Variants in TEX52 observed in about 807,000 individuals in gnomAD.
TEX52 encodes the protein testis expressed 52.
Under a neutral mutation model 17.6 loss-of-function variants are expected in TEX52, and 22 were observed. The ratio of observed to expected loss-of-function variants is 1.25; its 90% CI spans 0.89 to 1.78. The LOEUF is 1.78. Among genes scored for constraint, TEX52 ranks in the 40% most tolerant of loss-of-function variants. The pLI is 0.00. For missense variants in TEX52, 396 were observed against 372.3 expected (o/e 1.06, Z -0.52); for synonymous variants, 168 against 147.4 (o/e 1.14, Z -1.01).
At position 2,849,430 on chromosome 12, in the gene TEX52, C is replaced by A; in HGVS notation, c.719G>T (p.Cys240Phe). The change falls in exon 3 of 3, where the codon TGC becomes TTC. Residue 240 changes from cysteine to phenylalanine, a missense_variant. Transcript: ENST00000637658. The stretch of plus-strand genomic sequence containing the variant: ...CTGGTAGTGAGGCAGAGGGTTTGGG[C>A]AGGGCCAGCTCCTGGCGAAATTATT... ...FPNNFARSWP[C>F]PNPLPHYQEK... 9.1e-6 allele frequency: 14 copies of A among 1,536,148 alleles called. No homozygotes were observed. Among genetic ancestry groups the A allele is most frequent in the Non-Finnish European group, 1.2e-5 (14 of 1,146,906 alleles).
chr12:2,852,232 A>G (rs1377671551), intron 2 of TEX52, among the ~76,000 whole-genome samples: 1 of 152,182 alleles, frequency 6.6e-6, no homozygotes, highest in Non-Finnish European at 1.5e-5. Context: ...TACAGCAGTA[A>G]ACATGTGAGA....
At chr12:2,854,492 C>T (rs761177676) in intron 2 of TEX52, among the ~76,000 whole-genome samples, 3 of 152,228 alleles carry the variant, frequency 2.0e-5, no homozygotes, top group Non-Finnish European at 1.5e-5. Context: ...TCCAGGCCTT[C>T]GGGCTACAGC....
intron 2 of TEX52, among the ~76,000 whole-genome samples, chr12:2,850,887 G>A (rs917301704): frequency 1.3e-5 from 2 of 151,312 alleles, no homozygotes; most frequent in Non-Finnish European, 2.9e-5. Flanking sequence ...GGCCAGGCTG[G>A]TCTCGAACTC....
At chr12:2,849,617 G>T (rs1603488269) in intron 2 of TEX52, 92 bp from the exon 3 acceptor site, 1 of 1,403,772 alleles carries the variant, frequency 7.1e-7, no homozygotes, top group East Asian at 2.5e-5. Flanking sequence ...TGATGCCGCT[G>T]TCCACAAGCT....
intron 2 of TEX52, among the ~76,000 whole-genome samples, chr12:2,853,776 T>C (rs1189918800): frequency 1.3e-5 from 2 of 152,090 alleles, no homozygotes; most frequent in Non-Finnish European, 2.9e-5. Context: ...GAAGCATCCG[T>C]GAGTTCCCAG....
rs956183608 is a variant in TEX52 at position 2,857,023 on chromosome 12, C to A, written c.4G>T (p.Ala2Ser). The A allele has an allele frequency of 2.8e-6, 2 of 702,946 alleles. No individual in the cohort carries two copies. Among genetic ancestry groups the A allele is most frequent in the African/African-American group, 1.7e-5 (1 of 57,362 alleles). The allele number at this position is 702,946 out of a possible 1,614,324, so 43.5% of individuals were successfully genotyped here. A position where few individuals can be genotyped will look rare whatever the true frequency, so the allele number is the denominator to read the frequency against. Residue 2 changes from alanine (A) to serine (S), a missense_variant, in exon 1 of 3, where the codon GCC becomes TCC. By Grantham distance (99) the Ala-to-Ser change is moderately conservative (BLOSUM62 1). Coordinates refer to ENST00000637658, the MANE Select transcript of TEX52 (RefSeq NM_001365174.2). ...CTGAGTGATCTTTGCCGGTTACTGGCCATTCTTCTGGGCCTCAGAGCCAGG... is the reference window on the plus strand; with the variant it reads ...CTGAGTGATCTTTGCCGGTTACTGGACATTCTTCTGGGCCTCAGAGCCAGG... M[A>S]SNRQRSLRGP... is the part of the protein sequence containing the mutation.
At position 2,849,510 on chromosome 12, in the gene TEX52, G is replaced by A. The variant is rs146127101; in HGVS notation, c.639C>T (p.Ser213=). 315 of 1,536,132 alleles carry A rather than the reference G, an allele frequency of 2.1e-4. 1 individual carries two copies. The East Asian group carries it at 5.9e-3, about 29-fold the overall frequency. Residue 213 remains serine (S), a synonymous_variant, in exon 3 of 3, where the codon TCC becomes TCT. Coordinates refer to ENST00000637658, the MANE Select transcript of TEX52 (RefSeq NM_001365174.2). ...PASFKKYRHI[S]AGGRFEPQGL... ...CCTGGGGTTCAAACCTCCCACCAGC[G>A]GATATGTGCCGGTACCTGTTGGGAG...
At chr12:2,854,686 C>A (rs1023382327) in intron 2 of TEX52, among the ~76,000 whole-genome samples, 1 of 152,118 alleles carries the variant, frequency 6.6e-6, no homozygotes, top group Non-Finnish European at 1.5e-5. Context: ...CATAGCTGTC[C>A]CCCAGATTTT....
intron 2 of TEX52, among the ~76,000 whole-genome samples, chr12:2,849,867 G>C (rs575965832): frequency 6.6e-6 from 1 of 152,318 alleles, no homozygotes; most frequent in Admixed American, 6.5e-5. Context: ...GTGACAGTGG[G>C]AAAATCACAG....
chr12:2,855,584 G>A, intron 1 of TEX52, 138 bp from the exon 2 acceptor site: 1 of 574,770 alleles, frequency 1.7e-6, no homozygotes, highest in Non-Finnish European at 2.8e-6. Flanking sequence ...AGTCCTGGCA[G>A]GGCCGCATCT....
At chr12:2,853,107 A>G (rs1003670768) in intron 2 of TEX52, among the ~76,000 whole-genome samples, 11 of 152,136 alleles carry the variant, frequency 7.2e-5, no homozygotes, top group Admixed American at 4.6e-4. Context: ...ACCACCTGGC[A>G]CTGTCATGCC....
At chr12:2,851,081 C>T (rs993212453) in intron 2 of TEX52, among the ~76,000 whole-genome samples, 1 of 140,884 alleles carries the variant, frequency 7.1e-6, no homozygotes, top group Non-Finnish European at 1.5e-5. Flanking sequence ...CCAGGAGAAT[C>T]GCTTGAACCC....
chr12:2,853,429 C>T (rs1227975307), intron 2 of TEX52, among the ~76,000 whole-genome samples: 3 of 152,124 alleles, frequency 2.0e-5, no homozygotes, highest in East Asian at 1.9e-4. Flanking sequence ...CCTGCCACCA[C>T]GCCCAGCTAA....
At chr12:2,849,734 G>A (rs1290495603) in intron 2 of TEX52, among the ~76,000 whole-genome samples, 2 of 152,192 alleles carry the variant, frequency 1.3e-5, no homozygotes, top group Non-Finnish European at 2.9e-5. Flanking sequence ...TGTTAGGCTG[G>A]TGAAATAATG....
Position 2,850,223 on chromosome 12 carries a change from C to T in TEX52, c.624-698G>A, listed in dbSNP as rs2153928357. On this transcript the variant is annotated intron_variant, in intron 2 of 2. Transcript: ENST00000637658. ...GGACCCAGTGGCTCACACCTGTAAT[C>T]CCAGCACTTTGGGAGGCCGAGGCGG... is the stretch of plus-strand genomic sequence containing the variant. 2.0e-5 allele frequency among the ~76,000 whole-genome samples: 3 copies of T among 152,250 alleles called. 1 individual carries two copies. Among genetic ancestry groups the T allele is most frequent in the Middle Eastern group, 6.8e-3 (2 of 294 alleles).
intron 2 of TEX52, among the ~76,000 whole-genome samples, chr12:2,853,240 A>T (rs2098076652): frequency 1.3e-5 from 2 of 151,980 alleles, no homozygotes; most frequent in South Asian, 4.2e-4. Context: ...GGGTCCCCAC[A>T]AAGGAGACTG....
intron 2 of TEX52, among the ~76,000 whole-genome samples, chr12:2,849,932 G>A (rs780728383): frequency 1.5e-4 from 23 of 152,282 alleles, no homozygotes; most frequent in Admixed American, 3.3e-4. Context: ...GTATTGGGTC[G>A]AACAGTAGGA....
Sources: gnomAD v4.1 joint callset for allele counts (sites outside exome capture counted in the v4.1 genomes callset) on GRCh38, gnomAD v4.1.1 for gene constraint, MANE v1.5 for transcripts, NCBI Gene and HGNC (gene_info 2026-07-23, HGNC 2026-07-21) for gene names.